GRTP1: variants seen among roughly 807,000 people sequenced by gnomAD.
GRTP1 encodes growth hormone-regulated TBC protein 1.
In GRTP1, 56 loss-of-function variants were observed where a neutral mutation model predicts 38.1. The observed-to-expected ratio is 1.47, with a 90% CI of 1.19 to 1.84. The LOEUF (loss-of-function observed/expected upper bound fraction) is 1.84, where lower values mean the gene tolerates loss of function less well. Ranked by LOEUF, GRTP1 falls within the 40% of genes most tolerant of loss-of-function variation. The probability of loss-of-function intolerance (pLI) is 0.00; values close to 1 mark genes in which losing one functional copy is unlikely to be tolerated. For missense variants in GRTP1, 506 were observed against 453.9 expected (o/e 1.11, Z -1.04); for synonymous variants, 217 against 189.5 (o/e 1.14, Z -1.19).
intron 5 of GRTP1, among the ~76,000 whole-genome samples, chr13:113,337,540 C>T (rs904699360): frequency 2.2e-4 from 34 of 152,194 alleles, no homozygotes; most frequent in African/African-American, 7.5e-4. Context: ...TAGCTTATGG[C>T]GAAACCTGGT....
chr13:113,346,651 T>C (rs373639654), intron 4 of GRTP1, among the ~76,000 whole-genome samples: 190 of 234 alleles, frequency 0.81, 85 homozygotes, highest in Non-Finnish European at 1. Context: ...AGAGCGGACC[T>C]GGGAGGACCT....
At chr13:113,329,347 A>G (rs2042822693) in intron 5 of GRTP1, among the ~76,000 whole-genome samples, 1 of 152,086 alleles carries the variant, frequency 6.6e-6, no homozygotes, top group South Asian at 2.1e-4. Flanking sequence ...GGAGGCTGAG[A>G]CGGGTAGATC....
intron 5 of GRTP1, among the ~76,000 whole-genome samples, chr13:113,327,342 G>A (rs2042789649): frequency 1.3e-5 from 2 of 152,090 alleles, no homozygotes; most frequent in South Asian, 2.1e-4. Flanking sequence ...CCACGCCCAA[G>A]CTAATTTTTG....
chr13:113,363,881 T>G lies in GRTP1; in HGVS notation c.62A>C (p.Glu21Ala), dbSNP rs780366401. The G allele has an allele frequency of 6.8e-6, 11 of 1,611,456 alleles. No individual in the cohort carries two copies. In the African/African-American group the frequency reaches 1.2e-4, roughly 18 times the overall value. The change falls in exon 2 of 8, where the codon GAG becomes GCG. Residue 21 changes from glutamate (E) to alanine (A), a missense_variant. Physicochemically the swap from Glu to Ala is moderately radical, Grantham distance 107 (BLOSUM62 -1). Coordinates refer to ENST00000375431, the MANE Select transcript of GRTP1 (RefSeq NM_024719.4). ...CTCGTAGGCGGCGTCGTCGAAGTCC[T>G]CAGGCCGCTCGAATCCGTACGGGTC... ...RIDPYGFERP[E>A]DFDDAAYEKF...
At chr13:113,351,221 C>A (rs995827733) in intron 3 of GRTP1, among the ~76,000 whole-genome samples, 3 of 152,150 alleles carry the variant, frequency 2.0e-5, no homozygotes, top group Admixed American at 2.0e-4. Flanking sequence ...GACAGCAGAG[C>A]GACCCCAGAG....
intron 3 of GRTP1, chr13:113,351,588 T>G (rs2043267554): frequency 1.3e-5 from 2 of 155,162 alleles, no homozygotes; most frequent in African/African-American, 4.8e-5. Flanking sequence ...AGGCATCTCT[T>G]GGCAGGACAG....
intron 4 of GRTP1, among the ~76,000 whole-genome samples, chr13:113,350,038 G>T (rs1324834113): frequency 6.6e-6 from 1 of 152,134 alleles, no homozygotes; most frequent in Admixed American, 6.5e-5. Context: ...CAGCCACGGG[G>T]ACTCACAGGC....
rs2043182642 is a variant in GRTP1 at position 113,347,639 on chromosome 13, CCTCTGTGGCTGAGCAGATCT to C, written c.466-2700_466-2681del. On this transcript the variant is annotated intron_variant, in intron 4 of 7. Transcript: ENST00000375431. Reference sequence around the variant, plus strand: ...GTGGCTGAGAGCGGACCTGGGAGGACCTCTGTGGCTGAGCAGATCTGGGAGGACCTCTGTGGCAGAGAGCA... The same window carrying C: ...GTGGCTGAGAGCGGACCTGGGAGGACGGGAGGACCTCTGTGGCAGAGAGCA... 3.7e-5 allele frequency among the ~76,000 whole-genome samples: 2 copies of C among 54,472 alleles called. 1 individual carries two copies. The highest frequency in any genetic ancestry group is 1.6e-4 in the African/African-American group (2 of 12,842). 35.7% of individuals were successfully genotyped at this position (54,472 alleles called of 152,430 possible). A position where few individuals can be genotyped will look rare whatever the true frequency, so the allele number is the denominator to read the frequency against.
intron 4 of GRTP1, 60 bp from the exon 5 acceptor site, chr13:113,345,019 G>T: frequency 1.3e-6 from 2 of 1,542,716 alleles, no homozygotes; most frequent in Non-Finnish European, 1.7e-6. Context: ...ATTTGATTCT[G>T]CAATCATTCG....
rs376899252 is a variant in GRTP1, at chr13:113,363,748, C to A, written c.181+14G>T. 303 of 1,602,342 alleles carry A rather than the reference C, an allele frequency of 1.9e-4. No individual in the cohort carries two copies. Among genetic ancestry groups the A allele is most frequent in the Admixed American group, 3.5e-4 (21 of 59,324 alleles). On this transcript the variant is annotated intron_variant, in intron 2 of 7. Coordinates refer to ENST00000375431, the MANE Select transcript of GRTP1 (RefSeq NM_024719.4). ...CCTGCGCCCTCGGGACCCACCTGCG[C>A]CCCCGGGACCCACCTGTCCGGCTCC...
rs1423124058 is a variant in GRTP1, at chr13:113,324,491, C to A, written c.1008G>T (p.Gly336=). Residue 336 remains glycine, a synonymous_variant, in exon 8 of 8, where the codon GGG becomes GGT. Coordinates refer to ENST00000375431, the MANE Select transcript of GRTP1 (RefSeq NM_024719.4). ...ESCRARLLAQ[G] Reference sequence around the variant, plus strand: ...GCAACGCAGGGGACAGGCACGCTCACCCCTGTGCCAGCAGCCGGGCCCTGC... The same window carrying A: ...GCAACGCAGGGGACAGGCACGCTCAACCCTGTGCCAGCAGCCGGGCCCTGC... 13 of 1,608,332 alleles carry A rather than the reference C, an allele frequency of 8.1e-6. No individual in the cohort carries two copies. The highest frequency in any genetic ancestry group is 1.0e-5 in the Non-Finnish European group (12 of 1,177,706).
chr13:113,355,418 C>A lies in GRTP1; in HGVS notation c.245G>T (p.Ser82Ile), dbSNP rs904588130. The change falls in exon 3 of 8, where the codon AGT becomes ATT. Residue 82 changes from serine (S) to isoleucine (I), a missense_variant. Physicochemically the swap from Ser to Ile is moderately radical, Grantham distance 142. Transcript: ENST00000375431. ...EHRARVWMVL[S>I]GAQAQMDQNP... ...CTGGTCCATCTGCGCCTGGGCCCCA[C>A]TCAGCACCATCCAGACGCGGGCACG... 4 of 1,614,130 alleles carry A rather than the reference C, an allele frequency of 2.5e-6. No homozygotes were observed. The Admixed American group carries it at 6.7e-5, about 27-fold the overall frequency.
intron 2 of GRTP1, chr13:113,361,605 A>G (rs1488054087): frequency 6.6e-6 from 1 of 152,168 alleles, no homozygotes; most frequent in Non-Finnish European, 1.5e-5. Flanking sequence ...AGGACTTCCC[A>G]CGGACTTCCC....
At chr13:113,359,739 C>T (rs1337535421) in intron 2 of GRTP1, 1 of 152,176 alleles carries the variant, frequency 6.6e-6, no homozygotes, top group Non-Finnish European at 1.5e-5. Flanking sequence ...CGAGCCTGCA[C>T]CCAAGGCCCC....
At position 113,326,140 on chromosome 13, in the gene GRTP1, A is replaced by AC. The variant is rs757876164; in HGVS notation, c.563-50dup. 5.4e-5 allele frequency: 86 copies of AC among 1,592,274 alleles called. 1 individual carries two copies. In the East Asian group the frequency reaches 1.2e-3, roughly 23 times the overall value. Reference sequence around the variant, plus strand: ...ACCCCGAGACACTCCCGTCACCTCCACAAGCCCCATTCCCCTCAGAGCCAG... The same window carrying AC: ...ACCCCGAGACACTCCCGTCACCTCCACCAAGCCCCATTCCCCTCAGAGCCAG... On this transcript the variant is annotated intron_variant, in intron 5 of 7. Transcript: ENST00000375431.
intron 5 of GRTP1, among the ~76,000 whole-genome samples, chr13:113,326,505 T>C (rs980097201): frequency 1.6e-4 from 25 of 151,596 alleles, no homozygotes; most frequent in African/African-American, 5.3e-4. Context: ...ACCCCGTCTC[T>C]ACTAAAAATA....
rs754471829 is a variant in GRTP1, at chr13:113,350,913, T to C, written c.401A>G (p.Gln134Arg). ...KFRKTTDPCL[Q>R]RTLYNVLLAY... ...CAGCAGCACATTGTACAGGGTCCTC[T>C]GTAAGCAGGGGTCCGTGGTCTTCCG... The change falls in exon 4 of 8, where the codon CAG (glutamine) becomes CGG (arginine). Residue 134 changes from glutamine (Q) to arginine (R), a missense_variant. By Grantham distance (43) the Gln-to-Arg change is conservative. Coordinates refer to ENST00000375431, the MANE Select transcript of GRTP1 (RefSeq NM_024719.4). 8 of 1,612,766 alleles carry C rather than the reference T, an allele frequency of 5.0e-6. No individual in the cohort carries two copies. The African/African-American group carries it at 8.0e-5, about 16-fold the overall frequency.
intron 5 of GRTP1, among the ~76,000 whole-genome samples, chr13:113,341,159 G>A (rs1475156): frequency 6.6e-6 from 1 of 151,410 alleles, no homozygotes; most frequent in Non-Finnish European, 1.5e-5. Flanking sequence ...CACCAATCAC[G>A]ACTGCACCAT....
At position 113,343,521 on chromosome 13, in the gene GRTP1, A is replaced by G. The variant is rs1000757596; in HGVS notation, c.562+1342T>C. Among the ~76,000 whole-genome samples the G allele has an allele frequency of 6.6e-6, 1 of 152,138 alleles. No individual in the cohort carries two copies. Among genetic ancestry groups the G allele is most frequent in the African/African-American group, 2.4e-5 (1 of 41,424 alleles). ...TAATGATGCACTTGAGCTTTGCCCCATCCGTGAGGACACACACTATGGTCT... is the reference window on the plus strand; with the variant it reads ...TAATGATGCACTTGAGCTTTGCCCCGTCCGTGAGGACACACACTATGGTCT... On this transcript the variant is annotated intron_variant, in intron 5 of 7. Transcript: ENST00000375431. This position sits in a 1 kb window ranked among gnomAD's most constrained non-coding sequence, Gnocchi z 4.8.
Sources: allele counts gnomAD v4.1 joint callset (sites outside exome capture counted in the v4.1 genomes callset), GRCh38; gene constraint gnomAD v4.1.1; non-coding constraint Gnocchi (gnomAD v3.1); transcripts MANE v1.5; gene names NCBI Gene and HGNC (gene_info 2026-07-23, HGNC 2026-07-21).